The following ATRIP variants were observed in gnomAD, a reference collection of about 807,000 sequenced individuals.
ATRIP encodes the protein ATR interacting protein, also known as ATR-interacting protein.
ATRIP carries 44 observed loss-of-function variants against 78.1 expected under a neutral mutation model. The ratio of observed to expected loss-of-function variants is 0.56; its 90% CI spans 0.44 to 0.72. The LOEUF is 0.72. ATRIP is among the 30% of genes least tolerant of loss of function. The pLI, the probability that ATRIP is intolerant of heterozygous loss-of-function variation, is 0.00. For missense variants in ATRIP, 927 were observed against 980.2 expected (o/e 0.95, Z 0.72); for synonymous variants, 388 against 408.9 (o/e 0.95, Z 0.62).
rs376517782 is a variant in ATRIP at position 48,463,709 on chromosome 3, G to C, written c.1746-36G>C. On this transcript the variant is annotated intron_variant, in intron 8 of 12. Transcript: ENST00000320211. ...AAGGTAGGTTATGGAGCTGGGGTTG[G>C]GGAGTGTCACGTCTCTCTGGGTCCC... 127 of 1,612,682 alleles carry C rather than the reference G, an allele frequency of 7.9e-5. 1 individual carries two copies. The highest frequency in any genetic ancestry group is 6.0e-4 in the African/African-American group (45 of 74,980).
intron 3 of ATRIP, among the ~76,000 whole-genome samples, chr3:48,453,856 T>G (rs2039891524): frequency 1.3e-5 from 2 of 152,246 alleles, no homozygotes; most frequent in Non-Finnish European, 2.9e-5. Flanking sequence ...ACAGGTGTTT[T>G]ATGTTACAAA....
In ATRIP at chr3:48,460,337, G is replaced by A. The variant is rs2040068207; in HGVS notation, c.1283G>A (p.Gly428Asp). Residue 428 changes from glycine (G) to aspartate (D), a missense_variant, in exon 8 of 13, where the codon GGC (glycine) becomes GAC (aspartate). Gly to Asp is a moderately conservative substitution (Grantham distance 94). Transcript: ENST00000320211. ...HFLPLVQFFI[G>D]LHCQALQDLA... ...CTCCCCCTTGTACAGTTCTTCATCG[G>A]CTTACACTGCCAGGCCCTGCAGGAC... 6.2e-7 allele frequency: 1 copy of A among 1,613,280 alleles called. No homozygotes were observed. Among genetic ancestry groups the A allele is most frequent in the African/African-American group, 1.3e-5 (1 of 74,890 alleles).
chr3:48,459,364 A>G lies in ATRIP; in HGVS notation c.835A>G (p.Lys279Glu). The G allele has an allele frequency of 1.9e-6, 3 of 1,613,570 alleles. No individual in the cohort carries two copies. Among genetic ancestry groups the G allele is most frequent in the Non-Finnish European group, 2.5e-6 (3 of 1,179,504 alleles). ...TACATTTTATCACATTTCAGATAGT[A>G]AGCCCCACAGTCTGAGAGGTGACTC... ...YKPLVGREDS[K>E]PHSLRGDSIK... Residue 279 changes from lysine (K) to glutamate (E), a missense_variant, in exon 6 of 13, where the codon AAG becomes GAG. Coordinates refer to ENST00000320211, the MANE Select transcript of ATRIP (RefSeq NM_130384.3).
chr3:48,457,544 T>C (rs1560105060), intron 5 of ATRIP, 128 bp downstream of exon 5: 2 of 717,614 alleles, frequency 2.8e-6, no homozygotes, highest in Admixed American at 4.0e-5. Flanking sequence ...GGACAATCTC[T>C]GCAGGGACTG....
intron 1 of ATRIP, 64 bp from the exon 2 acceptor site, chr3:48,449,973 G>A: frequency 6.7e-7 from 1 of 1,503,406 alleles, no homozygotes; most frequent in Non-Finnish European, 8.9e-7. Context: ...GGTATTTTCA[G>A]CATTTTCTGG....
At chr3:48,462,750 T>G (rs984558042) in intron 8 of ATRIP, among the ~76,000 whole-genome samples, 1 of 152,272 alleles carries the variant, frequency 6.6e-6, no homozygotes, top group South Asian at 2.1e-4. Flanking sequence ...TGGAAACCAC[T>G]GTGGTGTACA....
In ATRIP at chr3:48,466,792, GC is replaced by G. The variant is rs748914604; in HGVS notation, c.*1245del. 4 of 1,613,752 alleles carry G rather than the reference GC, an allele frequency of 2.5e-6. No individual in the cohort carries two copies. The highest frequency in any genetic ancestry group is 1.3e-5 in the African/African-American group (1 of 74,972). On this transcript the variant is annotated 3_prime_UTR_variant, in exon 13 of 13. Coordinates refer to ENST00000320211, the MANE Select transcript of ATRIP (RefSeq NM_130384.3). ...GCTGTCCACAGATGTGCCCTGGAGA[GC>G]CCCCCCACCTCTCAGGGGCCACCTC...
chr3:48,460,770 C>T lies in ATRIP; in HGVS notation c.1716C>T (p.Ala572=), dbSNP rs761850512. 33 of 1,600,298 alleles carry T rather than the reference C, an allele frequency of 2.1e-5. No homozygotes were observed. The highest frequency in any genetic ancestry group is 2.0e-4 in the Admixed American group (12 of 59,576). ...GCCTTAAGGTTTTGGTGAAATTAGC[C>T]GAAAACACTTCCTGTGATTTCTTGC... The part of the protein sequence containing the change: ...TQCLKVLVKL[A]ENTSCDFLPR... The change falls in exon 8 of 13, where the codon GCC becomes GCT. Residue 572 remains alanine, a synonymous_variant. Coordinates refer to ENST00000320211, the MANE Select transcript of ATRIP (RefSeq NM_130384.3).
At position 48,460,276 on chromosome 3, in the gene ATRIP, T is replaced by C; in HGVS notation, c.1222T>C (p.Phe408Leu). ...GDPAEGGRRA[F>L]PLCQLPGAVH... Reference sequence around the variant, plus strand: ...CCCAGCAGAGGGAGGCAGAAGGGCCTTCCCACTCTGCCAGCTTCCTGGAGC... The same window carrying C: ...CCCAGCAGAGGGAGGCAGAAGGGCCCTCCCACTCTGCCAGCTTCCTGGAGC... The change falls in exon 8 of 13, where the codon TTC (phenylalanine) becomes CTC (leucine). Residue 408 changes from phenylalanine (F) to leucine (L), a missense_variant. By Grantham distance (22) the Phe-to-Leu change is conservative. Coordinates refer to ENST00000320211, the MANE Select transcript of ATRIP (RefSeq NM_130384.3). 6.2e-7 allele frequency: 1 copy of C among 1,614,112 alleles called. No individual in the cohort carries two copies. Among genetic ancestry groups the C allele is most frequent in the Non-Finnish European group, 8.5e-7 (1 of 1,180,012 alleles).
rs377092175 is a variant in ATRIP at position 48,457,256 on chromosome 3, C to A, written c.672-3C>A. 12 of 1,539,852 alleles carry A rather than the reference C, an allele frequency of 7.8e-6. No individual in the cohort carries two copies. Among genetic ancestry groups the A allele is most frequent in the Non-Finnish European group, 1.0e-5 (12 of 1,146,120 alleles). Reference sequence around the variant, plus strand: ...CTTTGCTTTCATAGTTAACTTTTTCCAGTCCTAGGAAAAACCCTTCTGTGG... The same window carrying A: ...CTTTGCTTTCATAGTTAACTTTTTCAAGTCCTAGGAAAAACCCTTCTGTGG... On this transcript the variant is annotated splice_region_variant and splice_polypyrimidine_tract_variant and intron_variant, in intron 4 of 12. Transcript: ENST00000320211.
chr3:48,449,770 C>CA (rs779657943), intron 1 of ATRIP, among the ~76,000 whole-genome samples: 1,887 of 43,156 alleles, frequency 0.044, 21 homozygotes, highest in Non-Finnish European at 0.052. Context: ...TACTAAAATC[C>CA]AAAAAAAAAA....
At chr3:48,457,487 A>C in intron 5 of ATRIP, 71 bp downstream of exon 5, 1 of 1,210,416 alleles carries the variant, frequency 8.3e-7, no homozygotes, top group Non-Finnish European at 1.1e-6. Flanking sequence ...ATTATTATTT[A>C]TTTTCTCCCA....
At position 48,467,090 on chromosome 3, in the gene ATRIP, T is replaced by C; in HGVS notation, c.*1536T>C. Reference sequence around the variant, plus strand: ...AGCTGGCTATGCTGGGCCTCACCAGTGCTCTGGATGGTGCCTTCTGTGTGG... The same window carrying C: ...AGCTGGCTATGCTGGGCCTCACCAGCGCTCTGGATGGTGCCTTCTGTGTGG... On this transcript the variant is annotated 3_prime_UTR_variant, in exon 13 of 13. Transcript: ENST00000320211. The C allele has an allele frequency of 6.2e-7, 1 of 1,613,970 alleles. No homozygotes were observed.
chr3:48,450,674 C>T (rs982402033), intron 2 of ATRIP: 2 of 598,942 alleles, frequency 3.3e-6, no homozygotes, highest in African/African-American at 2.0e-5. Context: ...TCAACCTCTG[C>T]CTCCTGGTTT....
At chr3:48,457,801 C>T (rs1376782691) in intron 5 of ATRIP, among the ~76,000 whole-genome samples, 1 of 152,226 alleles carries the variant, frequency 6.6e-6, no homozygotes, top group Non-Finnish European at 1.5e-5. Context: ...TTGTTAGAAG[C>T]AAATCACTGA....
chr3:48,458,733 A>G (rs1460325153), intron 5 of ATRIP, among the ~76,000 whole-genome samples: 2 of 152,228 alleles, frequency 1.3e-5, no homozygotes, highest in African/African-American at 4.8e-5. Flanking sequence ...TCAGACTGCT[A>G]TGTCAGTGTA....
At chr3:48,458,360 G>T (rs957565063) in intron 5 of ATRIP, among the ~76,000 whole-genome samples, 3 of 145,488 alleles carry the variant, frequency 2.1e-5, no homozygotes, top group African/African-American at 5.1e-5. Context: ...GTCTCACTCT[G>T]TCACCAGGCT....
rs1280520776 is a variant in ATRIP, at chr3:48,460,350, G to A, written c.1296G>A (p.Gln432=). ...AGTTCTTCATCGGCTTACACTGCCAGGCCCTGCAGGACTTGGCAGCTGCTA... is the reference window on the plus strand; with the variant it reads ...AGTTCTTCATCGGCTTACACTGCCAAGCCCTGCAGGACTTGGCAGCTGCTA... ...LVQFFIGLHC[Q]ALQDLAAAKR... Residue 432 remains glutamine (Q), a synonymous_variant, in exon 8 of 13, where the codon CAG becomes CAA. Transcript: ENST00000320211. The A allele has an allele frequency of 6.2e-7, 1 of 1,613,322 alleles. No homozygotes were observed. Among genetic ancestry groups the A allele is most frequent in the African/African-American group, 1.3e-5 (1 of 74,918 alleles).
Position 48,450,282 on chromosome 3 carries a change from A to G in ATRIP, c.381+112A>G. 5 of 1,330,256 alleles carry G rather than the reference A, an allele frequency of 3.8e-6. No individual in the cohort carries two copies. In the South Asian group the frequency reaches 4.3e-5, roughly 11 times the overall value. The allele number at this position is 1,330,256 out of a possible 1,614,324, so 82.4% of individuals were successfully genotyped here. Reference sequence around the variant, plus strand: ...AAAACAAGTGTCTAGATTCATCCCTATGACATGGGAAAAGACTAGGGAAAG... The same window carrying G: ...AAAACAAGTGTCTAGATTCATCCCTGTGACATGGGAAAAGACTAGGGAAAG... On this transcript the variant is annotated intron_variant, in intron 2 of 12. Transcript: ENST00000320211.
Sources: allele counts gnomAD v4.1 joint callset (sites outside exome capture counted in the v4.1 genomes callset), GRCh38; gene constraint gnomAD v4.1.1; transcripts MANE v1.5; gene names NCBI Gene and HGNC (gene_info 2026-07-23, HGNC 2026-07-21).